Variants in PHACTR3 observed in about 807,000 individuals in gnomAD.
The protein encoded by PHACTR3 is protein phosphatase 1, regulatory subunit 123.
A neutral mutation model predicts 66.8 loss-of-function variants in PHACTR3; 16 were observed. The observed-to-expected ratio is 0.24, with a 90% CI of 0.16 to 0.36. PHACTR3 has a LOEUF of 0.36. Ranked by LOEUF, PHACTR3 falls within the 10% of genes least tolerant of loss-of-function variation. PHACTR3 has a pLI of 1.00. For synonymous variants in PHACTR3, 323 were observed against 292.1 expected, an observed-to-expected ratio of 1.11 and a Z score of -1.08; for missense variants, 647 against 719.9, an observed-to-expected ratio of 0.90 and a Z score of 1.16.
chr20:59,807,910 C>T (rs2041619940), intron 8 of PHACTR3, among the ~76,000 whole-genome samples: 1 of 152,212 alleles, frequency 6.6e-6, no homozygotes, highest in Non-Finnish European at 1.5e-5. Flanking sequence ...CACCCATCTG[C>T]CGTCTGGCTG....
intron 8 of PHACTR3, among the ~76,000 whole-genome samples, chr20:59,817,148 A>G (rs8118247): frequency 0.077 from 11,735 of 152,316 alleles, 977 homozygotes; most frequent in African/African-American, 0.21. Context: ...CTCTTTGGAT[A>G]CATTTAAGCA....
intron 7 of PHACTR3, among the ~76,000 whole-genome samples, chr20:59,776,684 T>A (rs1459681357): frequency 2.6e-5 from 4 of 151,992 alleles, no homozygotes; most frequent in Middle Eastern, 3.2e-3. Context: ...AGGATGGGAA[T>A]CTGCATTTCA....
chr20:59,628,699 C>T lies in PHACTR3; in HGVS notation c.118+23567C>T, dbSNP rs941866915. 3 of 985,326 alleles carry T rather than the reference C, an allele frequency of 3.0e-6. No homozygotes were observed. The Admixed American group carries it at 1.8e-4, about 61-fold the overall frequency. 61.0% of individuals were successfully genotyped at this position (985,326 alleles called of 1,614,324 possible). On this transcript the variant is annotated intron_variant, in intron 1 of 12. Coordinates refer to ENST00000371015, the MANE Select transcript of PHACTR3 (RefSeq NM_080672.5). ...CAAGACCTCCCCTGTTGCCTGTGCT[C>T]TGGAAGATTCCCCATAGTACCTACT...
rs554184997 is a variant in PHACTR3, at chr20:59,736,528, C to G, written c.119-6579C>G. On this transcript the variant is annotated intron_variant, in intron 1 of 12. Transcript: ENST00000371015. This position sits in a 1 kb window ranked among gnomAD's most constrained non-coding sequence, Gnocchi z 4.6. ...GCACACTGGCTCCGCAGGTGCTCACCCGCCCACCCGTGTAGGTGCACACCC... is the reference window on the plus strand; with the variant it reads ...GCACACTGGCTCCGCAGGTGCTCACGCGCCCACCCGTGTAGGTGCACACCC... 2.0e-5 allele frequency among the ~76,000 whole-genome samples: 3 copies of G among 152,046 alleles called. No homozygotes were observed. The highest frequency in any genetic ancestry group is 4.8e-5 in the African/African-American group (2 of 41,502).
chr20:59,690,267 G>T (rs1421341387), intron 1 of PHACTR3, among the ~76,000 whole-genome samples: 1 of 152,154 alleles, frequency 6.6e-6, no homozygotes, highest in Non-Finnish European at 1.5e-5. Flanking sequence ...ATGTTTGCTG[G>T]CTGACTCCAG....
intron 1 of PHACTR3, among the ~76,000 whole-genome samples, chr20:59,613,733 C>T (rs1440783033): frequency 6.6e-6 from 1 of 152,154 alleles, no homozygotes; most frequent in Non-Finnish European, 1.5e-5. Flanking sequence ...CCCTTTCAAA[C>T]CTCAGATAGA....
At chr20:59,642,837 G>A (rs1327575741) in intron 1 of PHACTR3, among the ~76,000 whole-genome samples, 2 of 152,154 alleles carry the variant, frequency 1.3e-5, no homozygotes, top group Middle Eastern at 3.2e-3. Context: ...ACATTGGGGC[G>A]TTTGCCTACA....
intron 8 of PHACTR3, among the ~76,000 whole-genome samples, chr20:59,809,411 C>T (rs1323041121): frequency 6.6e-6 from 1 of 152,144 alleles, no homozygotes; most frequent in Non-Finnish European, 1.5e-5. Context: ...GTTCCTAAGG[C>T]TTGGTTTCCT....
intron 1 of PHACTR3, among the ~76,000 whole-genome samples, chr20:59,598,741 G>A (rs2033393621): frequency 6.6e-6 from 1 of 152,190 alleles, no homozygotes; most frequent in African/African-American, 2.4e-5. Flanking sequence ...GGTGCAGGAA[G>A]TGAAGTTCAA....
intron 1 of PHACTR3, among the ~76,000 whole-genome samples, chr20:59,718,191 A>T (rs1046471384): frequency 1.3e-5 from 2 of 152,034 alleles, no homozygotes; most frequent in Non-Finnish European, 2.9e-5. Context: ...GTTGGTGCCC[A>T]CCTCCCAGGC....
rs1225789860 is a variant in PHACTR3 at position 59,677,989 on chromosome 20, C to G, written c.119-65118C>G. Among the ~76,000 whole-genome samples, 3 of 152,164 alleles carry G rather than the reference C, an allele frequency of 2.0e-5. No homozygotes were observed. In the East Asian group the frequency reaches 5.8e-4, roughly 29 times the overall value. ...CATTCCCAATAAGATGTTCTGAAAACGTACTGCCGTTGAATCTCACAACTT... is the reference window on the plus strand; with the variant it reads ...CATTCCCAATAAGATGTTCTGAAAAGGTACTGCCGTTGAATCTCACAACTT... On this transcript the variant is annotated intron_variant, in intron 1 of 12. Transcript: ENST00000371015.
At chr20:59,789,779 G>C (rs2041033386) in intron 7 of PHACTR3, among the ~76,000 whole-genome samples, 1 of 152,210 alleles carries the variant, frequency 6.6e-6, no homozygotes, top group African/African-American at 2.4e-5. Flanking sequence ...GGCCAGGCTG[G>C]GAGGAGTTGG....
chr20:59,681,915 C>T (rs1468928317), intron 1 of PHACTR3, among the ~76,000 whole-genome samples: 2 of 151,644 alleles, frequency 1.3e-5, no homozygotes, highest in Admixed American at 1.3e-4. Flanking sequence ...GAGGCTGAGG[C>T]AGGAGAATCA....
At chr20:59,702,866 T>G (rs2037555864) in intron 1 of PHACTR3, among the ~76,000 whole-genome samples, 1 of 152,206 alleles carries the variant, frequency 6.6e-6, no homozygotes, top group Non-Finnish European at 1.5e-5. Flanking sequence ...ATTTTGGACC[T>G]GGGTGGGATC....
chr20:59,608,787 C>T (rs779830186), intron 1 of PHACTR3, among the ~76,000 whole-genome samples: 1 of 152,232 alleles, frequency 6.6e-6, no homozygotes, highest in Non-Finnish European at 1.5e-5. Context: ...GTCCTTCAGA[C>T]CTGTTCCCCA....
chr20:59,756,747 T>C (rs903299119), intron 4 of PHACTR3, among the ~76,000 whole-genome samples: 1 of 152,092 alleles, frequency 6.6e-6, no homozygotes, highest in Non-Finnish European at 1.5e-5. Flanking sequence ...TATGTATACA[T>C]GTGCCACGTT....
At chr20:59,806,627 G>C (rs1242526068) in intron 8 of PHACTR3, among the ~76,000 whole-genome samples, 2 of 152,200 alleles carry the variant, frequency 1.3e-5, no homozygotes, top group Non-Finnish European at 2.9e-5. Context: ...AGTGTTGCCA[G>C]ATCTTCTAAA....
chr20:59,615,382 G>A (rs1475968558), intron 1 of PHACTR3, among the ~76,000 whole-genome samples: 1 of 152,184 alleles, frequency 6.6e-6, no homozygotes, highest in Non-Finnish European at 1.5e-5. Flanking sequence ...AGTGTGCATG[G>A]AGCATGGTGT....
intron 1 of PHACTR3, among the ~76,000 whole-genome samples, chr20:59,588,359 C>T (rs1001997248): frequency 6.6e-6 from 1 of 152,170 alleles, no homozygotes; most frequent in Non-Finnish European, 1.5e-5. Flanking sequence ...CGCCCCTGTC[C>T]CAGTCCAGGC....
Sources: gnomAD v4.1 joint callset for allele counts (sites outside exome capture counted in the v4.1 genomes callset) on GRCh38, gnomAD v4.1.1 for gene constraint, Gnocchi (gnomAD v3.1) non-coding constraint, MANE v1.5 for transcripts, NCBI Gene and HGNC (gene_info 2026-07-23, HGNC 2026-07-21) for gene names.